Variants in RASIP1 observed in about 807,000 individuals in gnomAD.
RASIP1 encodes Ras interacting protein 1.
Under a neutral mutation model 85.3 loss-of-function variants are expected in RASIP1, and 20 were observed. The observed-to-expected ratio is 0.23, with a 90% CI of 0.17 to 0.34. The LOEUF (loss-of-function observed/expected upper bound fraction) is 0.34. Ranked by LOEUF, RASIP1 falls within the 10% of genes least tolerant of loss-of-function variation. The pLI, the probability that RASIP1 is intolerant of heterozygous loss-of-function variation, is 1.00. For synonymous variants in RASIP1, 617 were observed against 647.1 expected (o/e 0.95, Z 0.71); for missense variants, 1,170 against 1,390.9 (o/e 0.84, Z 2.53).
At chr19:48,735,103 G>A (rs2033545026) in intron 4 of RASIP1, 93 bp downstream of exon 4, 14 of 1,197,992 alleles carry the variant, frequency 1.2e-5, no homozygotes, top group East Asian at 2.5e-5. Flanking sequence ...AGGCTAGCGC[G>A]CCCCGGGCCT....
In RASIP1 at chr19:48,720,778, C is replaced by T. The variant is rs1175097714; in HGVS notation, c.*20G>A. The T allele has an allele frequency of 6.2e-7, 1 of 1,612,346 alleles. No homozygotes were observed. Among genetic ancestry groups the T allele is most frequent in the East Asian group, 2.2e-5 (1 of 44,858 alleles). ...AGCCCGTGACATTTCAAGGTTCGCGCGCTCGTTTGGTATTGGTTCTCAAGG... is the reference window on the plus strand; with the variant it reads ...AGCCCGTGACATTTCAAGGTTCGCGTGCTCGTTTGGTATTGGTTCTCAAGG... On this transcript the variant is annotated 3_prime_UTR_variant, in exon 12 of 12. Transcript: ENST00000222145.
Position 48,729,098 on chromosome 19 carries a change from C to T in RASIP1, c.1672G>A (p.Glu558Lys), listed in dbSNP as rs1568478436. 4.4e-6 allele frequency: 6 copies of T among 1,369,438 alleles called. No homozygotes were observed. Among genetic ancestry groups the T allele is most frequent in the East Asian group, 3.3e-5 (1 of 30,454 alleles). The allele number at this position is 1,369,438 out of a possible 1,614,324, so 84.8% of individuals were successfully genotyped here. Residue 558 changes from glutamate (E) to lysine (K), a missense_variant, in exon 5 of 12, where the codon GAG (glutamate) becomes AAG (lysine). Glu to Lys is a moderately conservative substitution (Grantham distance 56). Around this residue, in one of 4 missense-constraint regions of RASIP1, gnomAD observed 426 missense variants for 576.2 expected, o/e 0.74. Transcript: ENST00000222145. ...CCGGCGGCTGCGGCGCGCACGATCT[C>T]GCCCAGCAGCGCCTCCTCCTCGCGC... ...RPREEEALLG[E>K]IVRAAAAGSG...
chr19:48,732,535 T>C (rs893305140), intron 4 of RASIP1, among the ~76,000 whole-genome samples: 1 of 151,996 alleles, frequency 6.6e-6, no homozygotes, highest in Non-Finnish European at 1.5e-5. Flanking sequence ...ATTACAGGCA[T>C]GAGCCACCGC....
At chr19:48,733,810 A>AT (rs2033510242) in intron 4 of RASIP1, among the ~76,000 whole-genome samples, 1 of 151,352 alleles carries the variant, frequency 6.6e-6, no homozygotes, top group African/African-American at 2.4e-5. Flanking sequence ...CATCTCAAAA[A>AT]AAAAAAAGTG....
At chr19:48,737,734 C>G in intron 3 of RASIP1, 1 of 985,320 alleles carries the variant, frequency 1.0e-6, no homozygotes, top group Non-Finnish European at 1.2e-6. Flanking sequence ...GAGACCCATG[C>G]TCACCACATG....
Position 48,720,642 on chromosome 19 carries a change from C to G in RASIP1, c.*156G>C, listed in dbSNP as rs1285637830. 8 of 787,746 alleles carry G rather than the reference C, an allele frequency of 1.0e-5. No homozygotes were observed. Among genetic ancestry groups the G allele is most frequent in the Middle Eastern group, 2.7e-4 (1 of 3,648 alleles). The allele number at this position is 787,746 out of a possible 1,614,324, so 48.8% of individuals were successfully genotyped here. ...GGCATTCACATCCTAAGCCCATGCT[C>G]CCACCGTCCCATCCGCTACTTCCCG... On this transcript the variant is annotated 3_prime_UTR_variant, in exon 12 of 12. Coordinates refer to ENST00000222145, the MANE Select transcript of RASIP1 (RefSeq NM_017805.3).
Position 48,729,036 on chromosome 19 carries a change from C to G in RASIP1, c.1734G>C (p.Leu578=). 7.1e-7 allele frequency: 1 copy of G among 1,412,554 alleles called. No individual in the cohort carries two copies. The highest frequency in any genetic ancestry group is 9.2e-7 in the Non-Finnish European group (1 of 1,092,362). 87.5% of individuals were successfully genotyped at this position (1,412,554 alleles called of 1,614,324 possible). The change falls in exon 5 of 12, where the codon CTG becomes CTC. Residue 578 remains leucine (L), a synonymous_variant. Transcript: ENST00000222145. ...CGGAATGCTGCACGCACAGCGCCAGCAGCGTGGCGGGCCCGAGGGGCGGCA... is the reference window on the plus strand; with the variant it reads ...CGGAATGCTGCACGCACAGCGCCAGGAGCGTGGCGGGCCCGAGGGGCGGCA... ...GDLPPLGPAT[L]LALCVQHSAR... is the part of the protein sequence containing the mutation.
In RASIP1 at chr19:48,734,156, A is replaced by T. The variant is rs186773441; in HGVS notation, c.1179+1040T>A. ...AAAAATACAAAAAAATTAGCTGGGC[A>T]TGGTGGCGGGCGCCTGTAGTCCCAG... On this transcript the variant is annotated intron_variant, in intron 4 of 11. Coordinates refer to ENST00000222145, the MANE Select transcript of RASIP1 (RefSeq NM_017805.3). Among the ~76,000 whole-genome samples, 194 of 151,802 alleles carry T rather than the reference A, an allele frequency of 1.3e-3. 11 individuals are homozygous for T. In the South Asian group the frequency reaches 0.037, roughly 29 times the overall value.
rs914717675 is a variant in RASIP1 at position 48,740,029 on chromosome 19, C to A, written c.137+117G>T. On this transcript the variant is annotated intron_variant, in intron 2 of 11. Coordinates refer to ENST00000222145, the MANE Select transcript of RASIP1 (RefSeq NM_017805.3). The surrounding 1 kb of genome is among the most constrained non-coding windows in gnomAD (Gnocchi z 5.5). Reference sequence around the variant, plus strand: ...CACCGTCTCCCCCTGCCCACCAGCTCGTTTGCCCAATTCAGGATGAGGACC... The same window carrying A: ...CACCGTCTCCCCCTGCCCACCAGCTAGTTTGCCCAATTCAGGATGAGGACC... The A allele has an allele frequency of 3.0e-5, 40 of 1,343,620 alleles. No homozygotes were observed. Among genetic ancestry groups the A allele is most frequent in the Non-Finnish European group, 3.8e-5 (38 of 1,012,380 alleles). The allele number at this position is 1,343,620 out of a possible 1,614,324, so 83.2% of individuals were successfully genotyped here.
intron 6 of RASIP1, 112 bp from the exon 7 acceptor site, chr19:48,727,270 GAAA>G: frequency 1.3e-6 from 2 of 1,546,302 alleles, no homozygotes; most frequent in Non-Finnish European, 1.8e-6. Context: ...TGCGCAGCTG[GAAA>G]AGTTGAGCGC....
chr19:48,722,838 G>A (rs1047684136), intron 10 of RASIP1, among the ~76,000 whole-genome samples: 13 of 152,126 alleles, frequency 8.5e-5, no homozygotes, highest in African/African-American at 2.9e-4. Flanking sequence ...TGGCAAAATT[G>A]TAAAGTACTT....
chr19:48,730,068 C>T (rs2033425629), intron 4 of RASIP1, among the ~76,000 whole-genome samples: 1 of 152,100 alleles, frequency 6.6e-6, no homozygotes, highest in Non-Finnish European at 1.5e-5. Context: ...AAAGGACTCT[C>T]TAAGCACCCG....
Position 48,720,634 on chromosome 19 carries a change from C to T in RASIP1, c.*164G>A. On this transcript the variant is annotated 3_prime_UTR_variant, in exon 12 of 12. Coordinates refer to ENST00000222145, the MANE Select transcript of RASIP1 (RefSeq NM_017805.3). ...TGCTCCCTGGCATTCACATCCTAAG[C>T]CCATGCTCCCACCGTCCCATCCGCT... 1 of 739,026 alleles carries T rather than the reference C, an allele frequency of 1.4e-6. No individual in the cohort carries two copies. The highest frequency in any genetic ancestry group is 2.3e-6 in the Non-Finnish European group (1 of 433,714). The allele number at this position is 739,026 out of a possible 1,614,324, so 45.8% of individuals were successfully genotyped here.
At position 48,738,285 on chromosome 19, in the gene RASIP1, C is replaced by T. The variant is rs1334797452; in HGVS notation, c.823+675G>A. Among the ~76,000 whole-genome samples, 2 of 152,182 alleles carry T rather than the reference C, an allele frequency of 1.3e-5. No individual in the cohort carries two copies. The highest frequency in any genetic ancestry group is 2.9e-5 in the Non-Finnish European group (2 of 68,032). Reference sequence around the variant, plus strand: ...ATTCAAAAAGACCCTTGTCAATATTCAGTATCAAAACAGTTGCACTATTGA... The same window carrying T: ...ATTCAAAAAGACCCTTGTCAATATTTAGTATCAAAACAGTTGCACTATTGA... On this transcript the variant is annotated intron_variant, in intron 3 of 11. Coordinates refer to ENST00000222145, the MANE Select transcript of RASIP1 (RefSeq NM_017805.3). This position sits in a 1 kb window ranked among gnomAD's most constrained non-coding sequence, Gnocchi z 4.0.
At position 48,739,027 on chromosome 19, in the gene RASIP1, G is replaced by A; in HGVS notation, c.756C>T (p.Phe252=). The change falls in exon 3 of 12, where the codon TTC becomes TTT. Residue 252 remains phenylalanine (F), a synonymous_variant. Coordinates refer to ENST00000222145, the MANE Select transcript of RASIP1 (RefSeq NM_017805.3). This position sits in a 1 kb window ranked among gnomAD's most constrained non-coding sequence, Gnocchi z 9.2. ...WRARPGWARR[F]ELRGREEARR... ...GCGCCTCCTCGCGGCCGCGCAACTC[G>A]AAGCGCCGCGCCCAGCCGGGCCGCG... The A allele has an allele frequency of 2.4e-6, 3 of 1,245,784 alleles. No homozygotes were observed. Among genetic ancestry groups the A allele is most frequent in the Non-Finnish European group, 3.0e-6 (3 of 998,642 alleles). 77.2% of individuals were successfully genotyped at this position (1,245,784 alleles called of 1,614,324 possible). A position where few individuals can be genotyped will look rare whatever the true frequency, so the allele number is the denominator to read the frequency against.
At chr19:48,721,282 C>T (rs575011808) in intron 11 of RASIP1, among the ~76,000 whole-genome samples, 5 of 151,864 alleles carry the variant, frequency 3.3e-5, no homozygotes, top group African/African-American at 9.7e-5. Flanking sequence ...GAGTCAAGTT[C>T]AGGGGAGTGA....
chr19:48,732,756 C>T (rs77663553), intron 4 of RASIP1, among the ~76,000 whole-genome samples: 1,673 of 152,242 alleles, frequency 0.011, 49 homozygotes, highest in East Asian at 0.058. Flanking sequence ...CTTGCCCCCA[C>T]AAGGAGGAAT....
chr19:48,733,997 A>G (rs905793420), intron 4 of RASIP1, among the ~76,000 whole-genome samples: 3 of 151,926 alleles, frequency 2.0e-5, no homozygotes, highest in South Asian at 2.1e-4. Context: ...AAAATTTTTC[A>G]TTAAAAAATT....
chr19:48,735,462 C>T lies in RASIP1; in HGVS notation c.913G>A (p.Gly305Arg). 3 of 1,585,756 alleles carry T rather than the reference C, an allele frequency of 1.9e-6. No individual in the cohort carries two copies. The highest frequency in any genetic ancestry group is 2.6e-6 in the Non-Finnish European group (3 of 1,166,578). Residue 305 changes from glycine to arginine, a missense_variant, in exon 4 of 12, where the codon GGA (glycine) becomes AGA (arginine). By Grantham distance (125) the Gly-to-Arg change is moderately radical. This residue lies in a region of RASIP1 where 301 missense variants were observed against 294.8 expected (regional missense o/e 1.02). Transcript: ENST00000222145. ...AALASPGPGT[G>R]SGAPAGSGGK... ...CCAGACCCAGCTGGGGCCCCTGATC[C>T]GGTCCCCGGGCCAGGACTGGCCAGC...
Sources: gnomAD v4.1 joint callset for allele counts (sites outside exome capture counted in the v4.1 genomes callset) on GRCh38, gnomAD v4.1.1 for gene constraint, gnomAD v4.1.1 regional missense constraint, Gnocchi (gnomAD v3.1) non-coding constraint, MANE v1.5 for transcripts, NCBI Gene and HGNC (gene_info 2026-07-23, HGNC 2026-07-21) for gene names.